Variants in SH3KBP1 observed in about 807,000 individuals in gnomAD.
SH3KBP1 encodes SH3 domain-containing kinase-binding protein 1.
SH3KBP1 carries 8 observed loss-of-function variants against 50.1 expected under a neutral mutation model. That is an observed-to-expected ratio of 0.16 (90% CI 0.09 to 0.29). The LOEUF is 0.29. Ranked by LOEUF, SH3KBP1 falls within the 10% of genes least tolerant of loss-of-function variation. The pLI, the probability that SH3KBP1 is intolerant of heterozygous loss-of-function variation, is 1.00. For missense variants in SH3KBP1, 377 were observed against 535.2 expected, an observed-to-expected ratio of 0.70 and a Z score of 2.92; for synonymous variants, 227 against 218.6, an observed-to-expected ratio of 1.04 and a Z score of -0.34.
intron 8 of SH3KBP1, among the ~76,000 whole-genome samples, chrX:19,617,688 C>T (rs1006820928): frequency 3.6e-5 from 4 of 111,606 alleles, no homozygotes; most frequent in Non-Finnish European, 5.7e-5. Flanking sequence ...CAGATAATGG[C>T]GCACACATAA....
chrX:19,573,476 AG>A (rs138270076), intron 12 of SH3KBP1, among the ~76,000 whole-genome samples: 15,085 of 110,691 alleles, frequency 0.14, 929 homozygotes, highest in Non-Finnish European at 0.18. Context: ...TAGTAGAGAC[AG>A]GGTTTCACCA....
chrX:19,538,356 C>T (rs1318024298), intron 16 of SH3KBP1, among the ~76,000 whole-genome samples: 1 of 110,522 alleles, frequency 9.0e-6, no homozygotes, highest in African/African-American at 3.3e-5. Context: ...AAGCGCACAC[C>T]ACCATGCCAG....
intron 1 of SH3KBP1, among the ~76,000 whole-genome samples, chrX:19,882,390 G>A (rs2069460305): frequency 9.0e-6 from 1 of 111,443 alleles, no homozygotes; most frequent in African/African-American, 3.3e-5. Flanking sequence ...TGGACCCAAT[G>A]TCATCACAGG....
intron 12 of SH3KBP1, among the ~76,000 whole-genome samples, chrX:19,580,242 GAAAC>G (rs1243044102): frequency 8.9e-6 from 1 of 111,878 alleles, no homozygotes; most frequent in African/African-American, 3.3e-5. Flanking sequence ...ACGAGTATTT[GAAAC>G]AAACAAATGA....
At chrX:19,634,865 T>C (rs2061666084) in intron 7 of SH3KBP1, among the ~76,000 whole-genome samples, 1 of 111,261 alleles carries the variant, frequency 9.0e-6, no homozygotes, top group South Asian at 3.8e-4. Flanking sequence ...AGAGCTCAAA[T>C]ATAAAGGAAC....
In SH3KBP1 at chrX:19,826,525, T is replaced by TA. The variant is rs375328385; in HGVS notation, c.162+9599dup. Among the ~76,000 whole-genome samples, 324 of 101,153 alleles carry TA rather than the reference T, an allele frequency of 3.2e-3. 1 individual carries two copies. Among genetic ancestry groups the TA allele is most frequent in the Middle Eastern group, 4.9e-3 (1 of 203 alleles). 87.8% of individuals were successfully genotyped at this position (101,153 alleles called of 115,157 possible). ...GATACCCCCATCTCTACAAAAAATTTAAAAAAAAAAAACAGGTTAGGTGGT... is the reference window on the plus strand; with the variant it reads ...GATACCCCCATCTCTACAAAAAATTTAAAAAAAAAAAAACAGGTTAGGTGGT... On this transcript the variant is annotated intron_variant, in intron 2 of 17. Coordinates refer to ENST00000397821, the MANE Select transcript of SH3KBP1 (RefSeq NM_031892.3).
chrX:19,581,252 A>G (rs1251125810), intron 12 of SH3KBP1, among the ~76,000 whole-genome samples: 1 of 112,168 alleles, frequency 8.9e-6, no homozygotes, highest in African/African-American at 3.2e-5. Flanking sequence ...CAACCTCTGT[A>G]ATTTCTAGCC....
chrX:19,659,895 T>C (rs1462058777), intron 6 of SH3KBP1, among the ~76,000 whole-genome samples: 1 of 112,888 alleles, frequency 8.9e-6, no homozygotes. Context: ...AACTGGACTA[T>C]AAATGCTGGA....
chrX:19,658,508 G>GA (rs754851706), intron 6 of SH3KBP1, among the ~76,000 whole-genome samples: 1 of 111,432 alleles, frequency 9.0e-6, no homozygotes, highest in South Asian at 3.7e-4. Flanking sequence ...CTATTTTATA[G>GA]AAAAAAGGCA....
At chrX:19,780,022 C>T (rs779489901) in intron 2 of SH3KBP1, among the ~76,000 whole-genome samples, 8 of 111,148 alleles carry the variant, frequency 7.2e-5, no homozygotes, top group African/African-American at 2.6e-4. Context: ...GCCACACTGA[C>T]TTCCACAATA....
At chrX:19,622,279 C>A (rs1030302990) in intron 8 of SH3KBP1, among the ~76,000 whole-genome samples, 2 of 112,015 alleles carry the variant, frequency 1.8e-5, no homozygotes, top group African/African-American at 6.5e-5. Flanking sequence ...GCAGAATTAG[C>A]AGAGCCCAAA....
chrX:19,850,812 G>A (rs184827862), intron 1 of SH3KBP1, among the ~76,000 whole-genome samples: 4 of 109,910 alleles, frequency 3.6e-5, no homozygotes, highest in Admixed American at 9.7e-5. Context: ...ATCTGTACCC[G>A]CCTGGTACTC....
intron 1 of SH3KBP1, among the ~76,000 whole-genome samples, chrX:19,863,808 AATTTGTTTAGCC>A (rs1452932695): frequency 8.9e-6 from 1 of 111,824 alleles, no homozygotes; most frequent in Non-Finnish European, 1.9e-5. Context: ...TAAGCAAATA[AATTTGTTTAGCC>A]CAGCGTCTAA....
At chrX:19,785,055 G>C (rs1168248767) in intron 2 of SH3KBP1, among the ~76,000 whole-genome samples, 1 of 110,723 alleles carries the variant, frequency 9.0e-6, no homozygotes, top group Non-Finnish European at 1.9e-5. Context: ...TACATACACA[G>C]TATCCACCCA....
At chrX:19,825,026 G>A (rs1402174078) in intron 2 of SH3KBP1, among the ~76,000 whole-genome samples, 1 of 112,156 alleles carries the variant, frequency 8.9e-6, no homozygotes, top group Admixed American at 9.5e-5. Flanking sequence ...AGCTGGAATT[G>A]GTTGGTTTTG....
Position 19,645,417 on chromosome X carries a change from A to G in SH3KBP1, c.785T>C (p.Met262Thr). 8.3e-7 allele frequency: 1 copy of G among 1,203,363 alleles called. No homozygotes were observed. Among genetic ancestry groups the G allele is most frequent in the Non-Finnish European group, 1.1e-6 (1 of 887,889 alleles). The change falls in exon 7 of 18, where the codon ATG becomes ACG. Residue 262 changes from methionine to threonine, a missense_variant. Around this residue, in one of 3 missense-constraint regions of SH3KBP1, gnomAD observed 257 missense variants for 374.2 expected, o/e 0.69. Coordinates refer to ENST00000397821, the MANE Select transcript of SH3KBP1 (RefSeq NM_031892.3). ...TATPDSSKTE[M>T]DSRTKSKDYC... ...AAACTCACTCTTTGTCCTGCTGTCCATTTCTGTTTTTGATGAGTCTGGAGT... is the reference window on the plus strand; with the variant it reads ...AAACTCACTCTTTGTCCTGCTGTCCGTTTCTGTTTTTGATGAGTCTGGAGT...
intron 8 of SH3KBP1, among the ~76,000 whole-genome samples, chrX:19,630,161 T>G (rs1183589912): frequency 4.5e-5 from 5 of 111,682 alleles, no homozygotes. Context: ...CATACCAGGT[T>G]TTCAACTAAA....
chrX:19,762,864 T>C (rs2065474803), intron 2 of SH3KBP1, among the ~76,000 whole-genome samples: 1 of 112,190 alleles, frequency 8.9e-6, no homozygotes, highest in Admixed American at 9.4e-5. Context: ...GTTTCTGAGA[T>C]CTGGCAAAAT....
intron 3 of SH3KBP1, among the ~76,000 whole-genome samples, chrX:19,736,346 C>T (rs190983608): frequency 5.3e-5 from 6 of 112,177 alleles, no homozygotes; most frequent in African/African-American, 1.6e-4. Flanking sequence ...AACCTGGAAA[C>T]ACAGGGGGAA....
Sources: allele counts gnomAD v4.1 joint callset (sites outside exome capture counted in the v4.1 genomes callset), GRCh38; gene constraint gnomAD v4.1.1; regional missense constraint gnomAD v4.1.1; transcripts MANE v1.5; gene names NCBI Gene and HGNC (gene_info 2026-07-23, HGNC 2026-07-21).